RABGEF1: variants seen among roughly 807,000 people sequenced by gnomAD.
The protein encoded by RABGEF1 is rab5 GDP/GTP exchange factor.
In RABGEF1, 26 loss-of-function variants were observed where a neutral mutation model predicts 57.3. The observed-to-expected ratio is 0.45, with a 90% CI of 0.33 to 0.63. The LOEUF (loss-of-function observed/expected upper bound fraction) is 0.63. Among genes scored for constraint, RABGEF1 ranks in the 20% least tolerant of loss-of-function variants. The pLI is 0.02. For synonymous variants in RABGEF1, 185 were observed against 210.7 expected, an observed-to-expected ratio of 0.88 and a Z score of 1.06; for missense variants, 464 against 607.6, an observed-to-expected ratio of 0.76 and a Z score of 2.48.
At chr7:66,691,238 TC>T (rs1481295051) in intron 1 of RABGEF1, among the ~76,000 whole-genome samples, 7 of 152,132 alleles carry the variant, frequency 4.6e-5, no homozygotes, top group African/African-American at 1.7e-4. Flanking sequence ...GTTGTACACC[TC>T]CCATACCGTA....
chr7:66,748,678 T>C (rs1414042640), intron 1 of RABGEF1, among the ~76,000 whole-genome samples: 1 of 152,222 alleles, frequency 6.6e-6, no homozygotes, highest in East Asian at 1.9e-4. Flanking sequence ...ACAGTAAGAA[T>C]TTCCTTTTCC....
chr7:66,722,473 A>G (rs1796156737), intron 2 of RABGEF1, among the ~76,000 whole-genome samples: 1 of 152,196 alleles, frequency 6.6e-6, no homozygotes, highest in Non-Finnish European at 1.5e-5. Flanking sequence ...CTGTCCTTAC[A>G]AAGAAAGAAC....
At chr7:66,701,458 C>T (rs1350681542) in intron 1 of RABGEF1, among the ~76,000 whole-genome samples, 1 of 151,076 alleles carries the variant, frequency 6.6e-6, no homozygotes, top group Non-Finnish European at 1.5e-5. Context: ...GTGATTGTAC[C>T]AGCACACTCC....
At chr7:66,664,967 T>C in the RABGEF1 span, among the ~76,000 whole-genome samples, 116,263 of 152,182 alleles carry the variant, frequency 0.76, 44,585 homozygotes, top group African/African-American at 0.82. Flanking sequence ...GCAGGTGGCT[T>C]CTAGGCCAGA....
chr7:66,756,308 C>G lies in RABGEF1; in HGVS notation c.-18+15516C>G, dbSNP rs556419695. On this transcript the variant is annotated intron_variant, in intron 1 of 8. Transcript: ENST00000284957. ...GCTATGCTTATGAGGTTATGGGAGA[C>G]CAGATTCCCTCATACACTGTAGGTG... is the stretch of plus-strand genomic sequence containing the variant. 6.6e-5 allele frequency among the ~76,000 whole-genome samples: 10 copies of G among 152,222 alleles called. No homozygotes were observed. The South Asian group carries it at 2.1e-3, about 32-fold the overall frequency.
chr7:66,772,706 C>T (rs1807445102), intron 2 of RABGEF1, among the ~76,000 whole-genome samples: 3 of 151,976 alleles, frequency 2.0e-5, no homozygotes, highest in South Asian at 2.1e-4. Context: ...GTCAGGAGTT[C>T]GAGACCAGCC....
intron 2 of RABGEF1, among the ~76,000 whole-genome samples, chr7:66,718,060 C>G (rs1166356951): frequency 6.6e-6 from 1 of 151,964 alleles, no homozygotes; most frequent in African/African-American, 2.4e-5. Flanking sequence ...CCTTAGAAAA[C>G]TAGTTAAATA....
chr7:66,806,141 G>A (rs1788393507), intron 8 of RABGEF1, among the ~76,000 whole-genome samples: 1 of 152,094 alleles, frequency 6.6e-6, no homozygotes, highest in Non-Finnish European at 1.5e-5. Context: ...GGCAGCGTAT[G>A]GACTTGGTTT....
intron 8 of RABGEF1, among the ~76,000 whole-genome samples, chr7:66,805,677 G>A (rs1788276869): frequency 6.6e-6 from 1 of 152,102 alleles, no homozygotes; most frequent in Admixed American, 6.6e-5. Context: ...CACTTGGCAG[G>A]GCTTTTTCAA....
At chr7:66,805,808 A>G (rs78866246) in intron 8 of RABGEF1, among the ~76,000 whole-genome samples, 7 of 152,030 alleles carry the variant, frequency 4.6e-5, no homozygotes, top group Non-Finnish European at 1.0e-4. Context: ...GCAGTGGTAC[A>G]ATCATAGCTC....
chr7:66,774,392 C>A (rs62468262), intron 2 of RABGEF1, among the ~76,000 whole-genome samples: 1 of 152,188 alleles, frequency 6.6e-6, no homozygotes, highest in Non-Finnish European at 1.5e-5. Context: ...GATTTACAGT[C>A]TTTCTTGCTT....
the RABGEF1 span, among the ~76,000 whole-genome samples, chr7:66,671,788 C>G: frequency 5.3e-5 from 8 of 150,260 alleles, no homozygotes; most frequent in African/African-American, 1.5e-4. Context: ...TACCACTGTG[C>G]TCCAGCCAGG....
intron 3 of RABGEF1, among the ~76,000 whole-genome samples, chr7:66,781,331 TAGAC>T (rs1584049973): frequency 6.6e-6 from 1 of 152,320 alleles, no homozygotes; most frequent in East Asian, 1.9e-4. Context: ...AAAATAATCT[TAGAC>T]GGGAATTTTT....
At chr7:66,807,211 C>T (rs1210691548) in intron 8 of RABGEF1, among the ~76,000 whole-genome samples, 1 of 152,146 alleles carries the variant, frequency 6.6e-6, no homozygotes, top group Non-Finnish European at 1.5e-5. Flanking sequence ...TGTGCCTTCT[C>T]TCTTTGTCCT....
intron 2 of RABGEF1, among the ~76,000 whole-genome samples, chr7:66,721,616 T>G (rs971845657): frequency 6.6e-6 from 1 of 152,264 alleles, no homozygotes; most frequent in Non-Finnish European, 1.5e-5. Context: ...TCCCCCCTTA[T>G]GAGAAACTTT....
intron 1 of RABGEF1, among the ~76,000 whole-genome samples, chr7:66,701,845 T>A (rs1256507187): frequency 6.6e-6 from 1 of 152,218 alleles, no homozygotes; most frequent in Non-Finnish European, 1.5e-5. Context: ...GACTATTTTC[T>A]TATAAGTCTG....
chr7:66,808,707 A>T (rs967878272), intron 8 of RABGEF1, among the ~76,000 whole-genome samples, 179 bp from the exon 9 acceptor site: 1 of 152,154 alleles, frequency 6.6e-6, no homozygotes, highest in Non-Finnish European at 1.5e-5. Context: ...AGTGTATAGG[A>T]AGCACGACCG....
chr7:66,702,967 G>A (rs1355937645), intron 1 of RABGEF1, among the ~76,000 whole-genome samples: 1 of 151,862 alleles, frequency 6.6e-6, no homozygotes, highest in Non-Finnish European at 1.5e-5. Flanking sequence ...ATGTATCTAA[G>A]TTTTTTTGTT....
At chr7:66,795,637 T>G in intron 5 of RABGEF1, 45 bp downstream of exon 5, 1 of 1,494,664 alleles carries the variant, frequency 6.7e-7, no homozygotes, top group Non-Finnish European at 9.3e-7. Context: ...TGCACAGGGA[T>G]GACTGCTCAG....
Sources: gnomAD v4.1 joint callset for allele counts (sites outside exome capture counted in the v4.1 genomes callset) on GRCh38, gnomAD v4.1.1 for gene constraint, MANE v1.5 for transcripts, NCBI Gene and HGNC (gene_info 2026-07-23, HGNC 2026-07-21) for gene names.